The following BLM variants were observed in gnomAD, a reference collection of about 807,000 sequenced individuals.
BLM encodes the protein recQ-like DNA helicase BLM.
A neutral mutation model predicts 135.3 loss-of-function variants in BLM; 95 were observed. The observed-to-expected ratio is 0.70, with a 90% CI of 0.59 to 0.83. The LOEUF (loss-of-function observed/expected upper bound fraction) is 0.83. Among genes scored for constraint, BLM ranks in the 40% least tolerant of loss-of-function variants. The pLI is 0.00. For synonymous variants in BLM, 520 were observed against 589.2 expected, an observed-to-expected ratio of 0.88 and a Z score of 1.70; for missense variants, 1,518 against 1,663.9, an observed-to-expected ratio of 0.91 and a Z score of 1.53.
At chr15:90,752,169 T>G (rs556865075) in intron 4 of BLM, among the ~76,000 whole-genome samples, 1 of 152,122 alleles carries the variant, frequency 6.6e-6, no homozygotes, top group African/African-American at 2.4e-5. Flanking sequence ...TCAAACAATT[T>G]TAGGTAGCTG....
At chr15:90,813,625 G>T (rs1455320514) in intron 21 of BLM, among the ~76,000 whole-genome samples, 2 of 152,174 alleles carry the variant, frequency 1.3e-5, no homozygotes, top group Non-Finnish European at 2.9e-5. Flanking sequence ...CTGACCCCAG[G>T]TGATCTACCC....
At chr15:90,808,500 C>T (rs999504567) in intron 19 of BLM, among the ~76,000 whole-genome samples, 5 of 152,222 alleles carry the variant, frequency 3.3e-5, no homozygotes, top group African/African-American at 7.2e-5. Flanking sequence ...ACCAGGCTCC[C>T]GGATTCTACT....
chr15:90,781,655 A>G lies in BLM; in HGVS notation c.2556-1167A>G, dbSNP rs142313568. Among the ~76,000 whole-genome samples, 321 of 152,190 alleles carry G rather than the reference A, an allele frequency of 2.1e-3. 1 individual carries two copies. Among genetic ancestry groups the G allele is most frequent in the African/African-American group, 7.5e-3 (310 of 41,514 alleles). On this transcript the variant is annotated intron_variant, in intron 12 of 21. Coordinates refer to ENST00000355112, the MANE Select transcript of BLM (RefSeq NM_000057.4). Reference sequence around the variant, plus strand: ...AAAATAATAATACACTAACAGTAACAATAGCTGATGAGCTTTATAAAAGAA... The same window carrying G: ...AAAATAATAATACACTAACAGTAACGATAGCTGATGAGCTTTATAAAAGAA...
intron 14 of BLM, among the ~76,000 whole-genome samples, chr15:90,789,987 GTTTTTTTTTTTTTTTTT>G (rs61059865): frequency 0.16 from 9,001 of 57,422 alleles, 649 homozygotes; most frequent in African/African-American, 0.29. Context: ...AGTCCCTGGT[GTTTTTTTTTTTTTTTTT>G]TTTTTTTTTT....
intron 1 of BLM, 55 bp from the exon 2 acceptor site, chr15:90,747,331 CATT>C (rs1208747078): frequency 8.4e-7 from 1 of 1,193,554 alleles, no homozygotes; most frequent in Non-Finnish European, 1.2e-6. Flanking sequence ...CCTCAAAAAA[CATT>C]GTGATTAATG....
At chr15:90,794,686 T>C (rs1009809688) in intron 16 of BLM, among the ~76,000 whole-genome samples, 6 of 149,686 alleles carry the variant, frequency 4.0e-5, no homozygotes, top group Non-Finnish European at 1.5e-5. Flanking sequence ...AGGTAGAATA[T>C]TTTAAATTTA....
At chr15:90,786,778 C>CTAAT (rs1896760097) in intron 14 of BLM, among the ~76,000 whole-genome samples, 1 of 151,906 alleles carries the variant, frequency 6.6e-6, no homozygotes, top group Non-Finnish European at 1.5e-5. Context: ...CCACACCCAG[C>CTAAT]TTATTTTTGT....
intron 16 of BLM, among the ~76,000 whole-genome samples, chr15:90,795,075 A>G (rs1896998308): frequency 6.6e-6 from 1 of 152,178 alleles, no homozygotes; most frequent in Admixed American, 6.5e-5. Flanking sequence ...TTATTTACCT[A>G]TCTGGGAGTA....
intron 20 of BLM, among the ~76,000 whole-genome samples, chr15:90,810,109 G>A (rs767539095): frequency 1.9e-4 from 28 of 151,196 alleles, no homozygotes; most frequent in African/African-American, 6.6e-4. Flanking sequence ...CTCCAGGCTG[G>A]AGTTCAGTGG....
chr15:90,771,795 T>TA (rs1182031856), intron 12 of BLM, among the ~76,000 whole-genome samples: 1 of 152,014 alleles, frequency 6.6e-6, no homozygotes, highest in Admixed American at 6.6e-5. Context: ...AGTTAAATGA[T>TA]AAAAAAAATT....
rs907953613 is a variant in BLM at position 90,790,687 on chromosome 15, C to T, written c.2862C>T (p.Asp954=). Residue 954 remains aspartate (D), a synonymous_variant, in exon 15 of 22, where the codon GAC becomes GAT. Coordinates refer to ENST00000355112, the MANE Select transcript of BLM (RefSeq NM_000057.4). Reference sequence around the variant, plus strand: ...CAATTGCATTTGGAATGGGGATTGACAAACCGGACGTGCGATTTGTGATTC... The same window carrying T: ...CAATTGCATTTGGAATGGGGATTGATAAACCGGACGTGCGATTTGTGATTC... ...CATIAFGMGI[D]KPDVRFVIHA... is the part of the protein sequence containing the mutation. 1 of 1,614,168 alleles carries T rather than the reference C, an allele frequency of 6.2e-7. No homozygotes were observed.
intron 14 of BLM, among the ~76,000 whole-genome samples, chr15:90,787,831 T>C (rs1380453268): frequency 6.6e-6 from 1 of 151,944 alleles, no homozygotes; most frequent in Non-Finnish European, 1.5e-5. Flanking sequence ...GCATCTGTAG[T>C]CCCAGCTACT....
At chr15:90,788,484 T>TG (rs1567055149) in intron 14 of BLM, among the ~76,000 whole-genome samples, 2 of 150,386 alleles carry the variant, frequency 1.3e-5, no homozygotes, top group Non-Finnish European at 3.0e-5. Context: ...TTTTTTTTTT[T>TG]TTTTTTTTTT....
chr15:90,724,358 C>T lies in BLM; in HGVS notation c.-5+6918C>T, dbSNP rs554895403. Among the ~76,000 whole-genome samples the T allele has an allele frequency of 2.6e-5, 4 of 152,206 alleles. No individual in the cohort carries two copies. In the South Asian group the frequency reaches 6.2e-4, roughly 24 times the overall value. On this transcript the variant is annotated intron_variant, in intron 1 of 21. Transcript: ENST00000355112. ...CTGAATATTTCATTCTATGCGTATA[C>T]CACTGTAAAGAAAACTCCATTTCCT...
At chr15:90,812,887 G>T (rs1024975836) in intron 21 of BLM, among the ~76,000 whole-genome samples, 7 of 152,190 alleles carry the variant, frequency 4.6e-5, no homozygotes, top group Non-Finnish European at 7.4e-5. Flanking sequence ...TTTTGAGTGC[G>T]CAAGTGATCA....
intron 17 of BLM, among the ~76,000 whole-genome samples, chr15:90,800,689 AAG>A (rs1289787125): frequency 1.3e-5 from 2 of 151,570 alleles, no homozygotes; most frequent in African/African-American, 4.8e-5. Context: ...TCAAAAAAAA[AAG>A]AAGGAACAGG....
intron 2 of BLM, 49 bp from the exon 3 acceptor site, chr15:90,749,318 G>A (rs747438189): frequency 3.6e-6 from 5 of 1,395,014 alleles, no homozygotes; most frequent in South Asian, 1.2e-5. Flanking sequence ...AGAGTTGGGG[G>A]GTTTCTTAAA....
intron 2 of BLM, chr15:90,747,807 T>C: frequency 3.1e-6 from 1 of 321,182 alleles, no homozygotes; most frequent in South Asian, 3.1e-5. Flanking sequence ...TTGTTTTGTT[T>C]TGTTTTGTTT....
intron 2 of BLM, 129 bp downstream of exon 2, chr15:90,747,619 C>A: frequency 1.4e-6 from 1 of 712,390 alleles, no homozygotes; most frequent in East Asian, 2.8e-5. Context: ...ATTGATTTTC[C>A]CACTTTGCCA....
Sources: gnomAD v4.1 joint callset for allele counts (sites outside exome capture counted in the v4.1 genomes callset) on GRCh38, gnomAD v4.1.1 for gene constraint, MANE v1.5 for transcripts, NCBI Gene and HGNC (gene_info 2026-07-23, HGNC 2026-07-21) for gene names.